The following THSD7B variants were observed in gnomAD, a reference collection of about 807,000 sequenced individuals.
THSD7B encodes the protein thrombospondin type 1 domain containing 7B, also known as thrombospondin type-1 domain-containing protein 7B.
In THSD7B, 138 loss-of-function variants were observed where a neutral mutation model predicts 213.6. The observed-to-expected ratio is 0.65, with a 90% CI of 0.56 to 0.74. THSD7B has a LOEUF of 0.74. Ranked by LOEUF, THSD7B falls within the 30% of genes least tolerant of loss-of-function variation. The pLI is 0.00. For synonymous variants in THSD7B, 742 were observed against 687.0 expected, an observed-to-expected ratio of 1.08 and a Z score of -1.25; for missense variants, 1,931 against 1,991.5, an observed-to-expected ratio of 0.97 and a Z score of 0.58.
chr2:137,005,517 C>T (rs1686087443), intron 2 of THSD7B, among the ~76,000 whole-genome samples: 1 of 152,126 alleles, frequency 6.6e-6, no homozygotes. Context: ...TGTATGTTGG[C>T]ATTACTGCAG....
At chr2:137,456,240 G>A (rs113727336) in intron 15 of THSD7B, among the ~76,000 whole-genome samples, 2,413 of 152,212 alleles carry the variant, frequency 0.016, 62 homozygotes, top group African/African-American at 0.055. Flanking sequence ...GCAGGGTAAT[G>A]ATGTTTTTAA....
At chr2:137,086,340 C>T (rs1180558837) in intron 3 of THSD7B, among the ~76,000 whole-genome samples, 1 of 151,828 alleles carries the variant, frequency 6.6e-6, no homozygotes, top group African/African-American at 2.4e-5. Context: ...CCACCACCCC[C>T]ACCACCAAAA....
intron 2 of THSD7B, among the ~76,000 whole-genome samples, chr2:136,926,112 C>T (rs888384547): frequency 2.0e-5 from 3 of 152,072 alleles, no homozygotes; most frequent in African/African-American, 7.2e-5. Context: ...GCCCCAAATC[C>T]CACCACCTTC....
intron 12 of THSD7B, among the ~76,000 whole-genome samples, chr2:137,315,328 A>T (rs1042610414): frequency 1.4e-4 from 21 of 152,206 alleles, no homozygotes; most frequent in East Asian, 1.4e-3. Flanking sequence ...TGACCCCTTG[A>T]GCTTCCCAAG....
intron 12 of THSD7B, among the ~76,000 whole-genome samples, chr2:137,279,834 T>A (rs930972393): frequency 2.0e-5 from 3 of 152,112 alleles, no homozygotes; most frequent in African/African-American, 7.2e-5. Context: ...CATATGACTT[T>A]ATTTGCAAAA....
chr2:136,888,000 GCTA>G (rs1216097101), intron 2 of THSD7B, among the ~76,000 whole-genome samples: 1 of 152,008 alleles, frequency 6.6e-6, no homozygotes, highest in Non-Finnish European at 1.5e-5. Context: ...ATAACTGTTA[GCTA>G]CTATTTCTAT....
chr2:137,419,377 T>TTTTTTTTTTTTTTTTGA (rs1386654895), intron 14 of THSD7B, among the ~76,000 whole-genome samples: 1 of 77,178 alleles, frequency 1.3e-5, no homozygotes, highest in African/African-American at 3.1e-5. Flanking sequence ...CCTGAGTTCT[T>TTTTTTTTTTTTTTTTGA]GTCCCACATC....
intron 2 of THSD7B, among the ~76,000 whole-genome samples, chr2:136,998,460 TATCTC>T (rs765454322): frequency 6.6e-6 from 1 of 152,076 alleles, no homozygotes; most frequent in African/African-American, 2.4e-5. Flanking sequence ...CTTTGCTCCT[TATCTC>T]ATCTGTGGGA....
chr2:137,568,716 C>T (rs1681291147), intron 16 of THSD7B, among the ~76,000 whole-genome samples: 1 of 152,158 alleles, frequency 6.6e-6, no homozygotes, highest in African/African-American at 2.4e-5. Context: ...AAAATTCACT[C>T]ACTGTCACGA....
chr2:137,617,443 G>T (rs1235433263), intron 18 of THSD7B, among the ~76,000 whole-genome samples: 3 of 152,114 alleles, frequency 2.0e-5, no homozygotes, highest in African/African-American at 7.2e-5. Context: ...CATCTAGTTT[G>T]TAATATGACT....
In THSD7B at chr2:137,657,175, G is replaced by A. The variant is rs756141002; in HGVS notation, c.4375+15G>A. 5 of 1,612,718 alleles carry A rather than the reference G, an allele frequency of 3.1e-6. No individual in the cohort carries two copies. In the East Asian group the frequency reaches 8.9e-5, roughly 29 times the overall value. On this transcript the variant is annotated intron_variant, in intron 24 of 27. Coordinates refer to ENST00000409968, the MANE Select transcript of THSD7B (RefSeq NM_001316349.2). ...TAATGTCACAGGTATTCCTGCCTAA[G>A]ACTCATGTGGGCACTTCACAAACAC...
intron 20 of THSD7B, 94 bp downstream of exon 20, chr2:137,620,820 C>G: frequency 9.8e-7 from 1 of 1,018,762 alleles, no homozygotes; most frequent in Non-Finnish European, 1.5e-6. Flanking sequence ...GGTATGGGAC[C>G]CAGCTGAAGT....
chr2:136,851,563 T>C (rs1006651240), intron 1 of THSD7B, among the ~76,000 whole-genome samples: 1 of 152,202 alleles, frequency 6.6e-6, no homozygotes, highest in African/African-American at 2.4e-5. Flanking sequence ...TATTATTGTT[T>C]ACATGTCAGT....
At chr2:137,074,876 T>C (rs1046432992) in intron 3 of THSD7B, among the ~76,000 whole-genome samples, 1 of 152,218 alleles carries the variant, frequency 6.6e-6, no homozygotes, top group South Asian at 2.1e-4. Flanking sequence ...AAATTCTGGG[T>C]TGAAAATTCT....
intron 20 of THSD7B, among the ~76,000 whole-genome samples, chr2:137,632,268 G>T (rs1398711053): frequency 3.3e-5 from 5 of 152,136 alleles, no homozygotes; most frequent in African/African-American, 1.2e-4. Flanking sequence ...AACACAAAAG[G>T]CAGTGAAATA....
intron 7 of THSD7B, among the ~76,000 whole-genome samples, chr2:137,223,435 G>T (rs1409856158): frequency 6.6e-6 from 1 of 152,112 alleles, no homozygotes; most frequent in Non-Finnish European, 1.5e-5. Context: ...AGAGACAGAG[G>T]AGAAACATTG....
At chr2:136,907,216 G>T (rs1684180544) in intron 2 of THSD7B, among the ~76,000 whole-genome samples, 1 of 151,808 alleles carries the variant, frequency 6.6e-6, no homozygotes, top group Admixed American at 6.6e-5. Flanking sequence ...AAATGCTGGG[G>T]TTACAAGTGT....
chr2:136,818,121 A>G lies in THSD7B; in HGVS notation c.-36+52434A>G, dbSNP rs1682506314. Among the ~76,000 whole-genome samples, 4 of 150,516 alleles carry G rather than the reference A, an allele frequency of 2.7e-5. No homozygotes were observed. In the South Asian group the frequency reaches 8.5e-4, roughly 32 times the overall value. On this transcript the variant is annotated intron_variant, in intron 1 of 27. Transcript: ENST00000409968. ...ACGTATGTTTATTGCGGCATTATTC[A>G]CAATAGCAAAGACTTGGAACCAACC... is the stretch of plus-strand genomic sequence containing the variant.
chr2:137,031,914 TC>T (rs1449968733), intron 2 of THSD7B, among the ~76,000 whole-genome samples: 1 of 150,798 alleles, frequency 6.6e-6, no homozygotes, highest in Non-Finnish European at 1.5e-5. Flanking sequence ...TGCTCACCGC[TC>T]ACTACAGCCT....
Sources: allele counts gnomAD v4.1 joint callset (sites outside exome capture counted in the v4.1 genomes callset), GRCh38; gene constraint gnomAD v4.1.1; transcripts MANE v1.5; gene names NCBI Gene and HGNC (gene_info 2026-07-23, HGNC 2026-07-21).